NPIPA8: variants seen among roughly 807,000 people sequenced by gnomAD.
The protein encoded by NPIPA8 is nuclear pore complex interacting protein family member A8.
A neutral mutation model predicts 7.1 loss-of-function variants in NPIPA8; 1 was observed. The observed-to-expected ratio is 0.14, with a 90% CI of 0.05 to 0.66. The LOEUF (loss-of-function observed/expected upper bound fraction) is 0.66. Ranked by LOEUF, NPIPA8 falls within the 30% of genes least tolerant of loss-of-function variation. The probability of loss-of-function intolerance (pLI) is 0.84; values close to 1 mark genes in which losing one functional copy is unlikely to be tolerated.
At chr16:18,323,761 A>G (rs546250004) in intron 4 of NPIPA8, among the ~76,000 whole-genome samples, 11 of 104,324 alleles carry the variant, frequency 1.1e-4, no homozygotes, top group Non-Finnish European at 2.0e-4. Flanking sequence ...AAAGGCAGTG[A>G]GTTGAGATTG....
chr16:18,323,920 AG>A (rs1900061145), intron 4 of NPIPA8, among the ~76,000 whole-genome samples, 170 bp downstream of exon 6: 1 of 144,078 alleles, frequency 6.9e-6, no homozygotes, highest in South Asian at 2.2e-4. Context: ...GAATGTAGGA[AG>A]GGAAAGGAAT....
upstream of NPIPA8, among the ~76,000 whole-genome samples, chr16:18,335,495 C>T (rs556477534): frequency 6.5e-5 from 8 of 122,596 alleles, 1 homozygote; most frequent in South Asian, 7.4e-4. Flanking sequence ...CCACCACGCC[C>T]GGCCATCGTT....
At chr16:18,324,872 C>G (rs1900096339) in intron 2 of NPIPA8, among the ~76,000 whole-genome samples, 1 of 82,628 alleles carries the variant, frequency 1.2e-5, no homozygotes, top group South Asian at 3.6e-4. Flanking sequence ...GGGTGGCTCA[C>G]TCCTGTAATC....
intron 4 of NPIPA8, among the ~76,000 whole-genome samples, chr16:18,323,847 A>AAAAAAAAAAAAAAAAAAAAAAAAG (rs750129798): frequency 2.2e-5 from 2 of 91,642 alleles, no homozygotes; most frequent in African/African-American, 7.5e-5. Context: ...AAAAAAAAAA[A>AAAAAAAAAAAAAAAAAAAAAAAAG]AGAGAAAGGA....
chr16:18,335,614 G>A (rs1162783078), upstream of NPIPA8, among the ~76,000 whole-genome samples: 3 of 106,426 alleles, frequency 2.8e-5, no homozygotes, highest in African/African-American at 9.1e-5. Flanking sequence ...TCTGTGTGCT[G>A]CTGGGGTTAG....
At chr16:18,335,527 C>T (rs1292913013), upstream of NPIPA8, among the ~76,000 whole-genome samples, 2 of 113,950 alleles carry the variant, frequency 1.8e-5, no homozygotes, top group Admixed American at 7.8e-5. Flanking sequence ...AACTTTAATA[C>T]GAGCAGCCAC....
intron 4 of NPIPA8, among the ~76,000 whole-genome samples, chr16:18,323,714 A>G (rs1900045110): frequency 9.0e-6 from 1 of 110,572 alleles, no homozygotes. Flanking sequence ...AATCCCAGCT[A>G]CTTGGGAGGC....
In NPIPA8 at chr16:18,325,191, C is replaced by T. The variant is rs891474726; in HGVS notation, c.193-693G>A. Among the ~76,000 whole-genome samples the T allele has an allele frequency of 3.1e-4, 22 of 71,028 alleles. 4 individuals are homozygous for T. The highest frequency in any genetic ancestry group is 6.1e-4 in the Non-Finnish European group (22 of 35,952). The allele number at this position is 71,028 out of a possible 152,430, so 46.6% of individuals were successfully genotyped here. On this transcript the variant is annotated intron_variant, in intron 2 of 7. Coordinates refer to ENST00000541810, the Ensembl canonical transcript of NPIPA8. ...GTAGCTCACGCCTGTAATCCCAGCA[C>T]TTTGGGAGGCCGAGGCGGGTGAATC...
At chr16:18,325,433 CAA>C (rs1211082418) in intron 2 of NPIPA8, among the ~76,000 whole-genome samples, 6 of 92 alleles carry the variant, frequency 0.065, no homozygotes, top group African/African-American at 0.11. Context: ...GACTCTGTCT[CAA>C]AAAAAAAAAA....
upstream of NPIPA8, among the ~76,000 whole-genome samples, chr16:18,335,631 T>C (rs1248191853): frequency 1.9e-5 from 2 of 105,732 alleles, no homozygotes; most frequent in African/African-American, 9.1e-5. Context: ...TTAGTTTGCA[T>C]GTAACCTCTT....
upstream of NPIPA8, among the ~76,000 whole-genome samples, chr16:18,335,475 C>A (rs1295832931): frequency 8.3e-6 from 1 of 121,054 alleles, no homozygotes; most frequent in Non-Finnish European, 1.7e-5. Flanking sequence ...GCTGGGATTA[C>A]AGGTGTGAGC....
intron 4 of NPIPA8, among the ~76,000 whole-genome samples, 168 bp from the exon 7 acceptor site, chr16:18,321,292 A>AC (rs1900019613): frequency 1.6e-5 from 1 of 63,292 alleles, no homozygotes; most frequent in East Asian, 3.7e-4. Flanking sequence ...CCATTGAGGG[A>AC]TAAAAAAAAT....
chr16:18,335,710 C>A (rs1341310669), upstream of NPIPA8, among the ~76,000 whole-genome samples: 3 of 122,734 alleles, frequency 2.4e-5, no homozygotes, highest in Non-Finnish European at 5.1e-5. Flanking sequence ...AGAGTTCCCA[C>A]CTGCTGTATT....
Position 18,324,843 on chromosome 16 carries a change from G to T in NPIPA8, c.193-345C>A, listed in dbSNP as rs566441929. 3.7e-4 allele frequency among the ~76,000 whole-genome samples: 28 copies of T among 75,450 alleles called. 5 individuals are homozygous for T. The East Asian group carries it at 7.6e-3, about 21-fold the overall frequency. The allele number at this position is 75,450 out of a possible 152,430, so 49.5% of individuals were successfully genotyped here. A position where few individuals can be genotyped will look rare whatever the true frequency, so the allele number is the denominator to read the frequency against. ...ACACACACACACACACACACACAAAGAATGACATGAGGCTGGCAGGGTGGC... is the reference window on the plus strand; with the variant it reads ...ACACACACACACACACACACACAAATAATGACATGAGGCTGGCAGGGTGGC... On this transcript the variant is annotated intron_variant, in intron 2 of 7. Coordinates refer to ENST00000541810, the Ensembl canonical transcript of NPIPA8.
intron 4 of NPIPA8, among the ~76,000 whole-genome samples, chr16:18,323,654 A>G (rs1900042589): frequency 2.0e-5 from 2 of 101,302 alleles, no homozygotes; most frequent in African/African-American, 6.4e-5. Flanking sequence ...GTGAAACCCC[A>G]TATCTAGTAA....
upstream of NPIPA8, among the ~76,000 whole-genome samples, chr16:18,335,829 C>CT (rs1384911732): frequency 6.3e-5 from 8 of 126,498 alleles, no homozygotes; most frequent in African/African-American, 1.7e-4. Context: ...TTTTTTTTTT[C>CT]TTTTTTTTGG....
chr16:18,325,220 A>G (rs1161465797), intron 2 of NPIPA8, among the ~76,000 whole-genome samples: 1 of 58,508 alleles, frequency 1.7e-5, no homozygotes, highest in Non-Finnish European at 3.3e-5. Context: ...GTGAATCACA[A>G]GGTCAAGAGA....
chr16:18,335,675 G>A (rs1263877851), upstream of NPIPA8, among the ~76,000 whole-genome samples: 5 of 111,024 alleles, frequency 4.5e-5, no homozygotes, highest in East Asian at 4.7e-4. Context: ...AAGGGGTGCG[G>A]CCTCCCGTTT....
intron 2 of NPIPA8, among the ~76,000 whole-genome samples, chr16:18,324,862 G>C (rs371504692): frequency 5.4e-4 from 45 of 83,224 alleles, no homozygotes; most frequent in East Asian, 1.3e-3. Context: ...GAGGCTGGCA[G>C]GGTGGCTCAC....
Sources: allele counts gnomAD v4.1 joint callset (sites outside exome capture counted in the v4.1 genomes callset), GRCh38; gene constraint gnomAD v4.1.1; transcripts MANE v1.5; gene names NCBI Gene and HGNC (gene_info 2026-07-23, HGNC 2026-07-21).